Variants in SCAPER observed in about 807,000 individuals in gnomAD.
SCAPER encodes the protein S phase cyclin A-associated protein in the endoplasmic reticulum.
A neutral mutation model predicts 182.2 loss-of-function variants in SCAPER; 98 were observed. The observed-to-expected ratio is 0.54, with a 90% confidence interval of 0.46 to 0.64. SCAPER has a LOEUF of 0.64. Ranked by LOEUF, SCAPER falls within the 30% of genes least tolerant of loss-of-function variation. The pLI is 0.00. For synonymous variants in SCAPER, 605 were observed against 564.6 expected (o/e 1.07, Z -1.01); for missense variants, 1,432 against 1,690.0 (o/e 0.85, Z 2.68).
intron 8 of SCAPER, among the ~76,000 whole-genome samples, chr15:76,781,728 C>T (rs1476266238): frequency 6.6e-6 from 1 of 152,098 alleles, no homozygotes; most frequent in African/African-American, 2.4e-5. Context: ...CAGTGGGGGC[C>T]AATATTCAAC....
Position 76,705,457 on chromosome 15 carries a change from A to G in SCAPER, c.2247+446T>C, listed in dbSNP as rs140794926. ...AGATATACCTAATGCTAAATGACAA[A>G]TTAATGGGTGCAGCACACCAGCATG... On this transcript the variant is annotated intron_variant, in intron 18 of 31. Coordinates refer to ENST00000563290, the MANE Select transcript of SCAPER (RefSeq NM_020843.4). 6.5e-4 allele frequency among the ~76,000 whole-genome samples: 99 copies of G among 151,638 alleles called. 2 individuals are homozygous for G. The highest frequency in any genetic ancestry group is 3.4e-3 in the Middle Eastern group (1 of 294).
intron 5 of SCAPER, among the ~76,000 whole-genome samples, chr15:76,807,684 TC>T (rs968501385): frequency 7.7e-5 from 6 of 77,976 alleles, no homozygotes; most frequent in African/African-American, 3.1e-4. Flanking sequence ...CCCTCCCCCC[TC>T]CCCCCACCCC....
At chr15:76,876,010 C>T (rs1007392824) in intron 2 of SCAPER, among the ~76,000 whole-genome samples, 4 of 152,192 alleles carry the variant, frequency 2.6e-5, no homozygotes, top group South Asian at 2.1e-4. Flanking sequence ...AGAAATCGAG[C>T]GCAGCGCCAG....
intron 24 of SCAPER, among the ~76,000 whole-genome samples, chr15:76,502,375 T>C (rs1214704904): frequency 3.9e-5 from 6 of 152,084 alleles, no homozygotes; most frequent in Non-Finnish European, 4.4e-5. Context: ...ATATACACCG[T>C]GGAATACTAT....
intron 28 of SCAPER, among the ~76,000 whole-genome samples, chr15:76,379,427 T>C (rs780974369): frequency 1.3e-5 from 2 of 152,186 alleles, no homozygotes; most frequent in Non-Finnish European, 2.9e-5. Flanking sequence ...GGGCATTTGA[T>C]TTTGAGAATA....
At chr15:76,794,555 T>C (rs747337457) in intron 8 of SCAPER, among the ~76,000 whole-genome samples, 17 of 152,214 alleles carry the variant, frequency 1.1e-4, no homozygotes, top group Non-Finnish European at 1.6e-4. Context: ...ATGTCTTTTG[T>C]TATGTGCAAT....
chr15:76,706,420 C>T (rs1221224003), intron 17 of SCAPER, among the ~76,000 whole-genome samples: 1 of 152,084 alleles, frequency 6.6e-6, no homozygotes, highest in African/African-American at 2.4e-5. Flanking sequence ...GAAATCTAAG[C>T]TTTCAGAAGG....
chr15:76,852,025 G>A (rs2070811155), intron 4 of SCAPER, among the ~76,000 whole-genome samples: 2 of 152,072 alleles, frequency 1.3e-5, no homozygotes, highest in South Asian at 4.1e-4. Flanking sequence ...CAGAAAAAAA[G>A]GAGTGGTTAC....
At chr15:76,716,357 A>T (rs983800662) in intron 17 of SCAPER, among the ~76,000 whole-genome samples, 13 of 152,192 alleles carry the variant, frequency 8.5e-5, no homozygotes, top group Non-Finnish European at 1.9e-4. Context: ...ATATGACTGC[A>T]CTATCAGATG....
chr15:76,626,133 C>T (rs1430806179), intron 21 of SCAPER, among the ~76,000 whole-genome samples: 1 of 152,060 alleles, frequency 6.6e-6, no homozygotes, highest in Non-Finnish European at 1.5e-5. Flanking sequence ...TGTCTCCTGT[C>T]ACTTCTCGGT....
chr15:76,484,728 T>G (rs769209736), intron 24 of SCAPER, among the ~76,000 whole-genome samples: 1 of 152,032 alleles, frequency 6.6e-6, no homozygotes, highest in South Asian at 2.1e-4. Flanking sequence ...GTAGGCCTCA[T>G]CCCCAGGATG....
chr15:76,606,348 C>G (rs564781454), intron 22 of SCAPER, among the ~76,000 whole-genome samples: 1 of 152,148 alleles, frequency 6.6e-6, no homozygotes, highest in Non-Finnish European at 1.5e-5. Flanking sequence ...AGTTTCTTAA[C>G]CCTGAGTTCT....
chr15:76,446,443 C>G (rs2048004257), intron 25 of SCAPER, among the ~76,000 whole-genome samples: 1 of 152,078 alleles, frequency 6.6e-6, no homozygotes, highest in Non-Finnish European at 1.5e-5. Flanking sequence ...AATAGCTGCC[C>G]AAAAGACATG....
At chr15:76,623,528 T>C (rs1316256505) in intron 21 of SCAPER, among the ~76,000 whole-genome samples, 2 of 152,178 alleles carry the variant, frequency 1.3e-5, no homozygotes, top group African/African-American at 4.8e-5. Context: ...CTTATTTTTG[T>C]CAGCTTTACC....
At chr15:76,763,229 T>A (rs1230836762) in intron 14 of SCAPER, among the ~76,000 whole-genome samples, 6 of 151,940 alleles carry the variant, frequency 3.9e-5, no homozygotes, top group Non-Finnish European at 5.9e-5. Flanking sequence ...CTTTCCAGGG[T>A]ATAGTAATCA....
chr15:76,398,939 T>A (rs1322640455), intron 27 of SCAPER, among the ~76,000 whole-genome samples: 1 of 152,198 alleles, frequency 6.6e-6, no homozygotes, highest in East Asian at 1.9e-4. Context: ...TAACAGCCCA[T>A]GTTGGTTTCA....
At chr15:76,905,125 C>A (rs1346437706) in intron 1 of SCAPER, 174 bp downstream of exon 1, 1 of 153,814 alleles carries the variant, frequency 6.5e-6, no homozygotes, top group Non-Finnish European at 1.5e-5. Flanking sequence ...GGCTCCCCTC[C>A]CCCAGCAACG....
intron 26 of SCAPER, among the ~76,000 whole-genome samples, chr15:76,423,163 T>C (rs1217627544): frequency 1.3e-5 from 2 of 152,208 alleles, no homozygotes; most frequent in Non-Finnish European, 2.9e-5. Context: ...TTCCCTCTTT[T>C]TGTATTGATT....
intron 15 of SCAPER, among the ~76,000 whole-genome samples, chr15:76,750,784 A>G (rs1356055900): frequency 6.6e-6 from 1 of 151,922 alleles, no homozygotes; most frequent in Non-Finnish European, 1.5e-5. Context: ...AACAAATATC[A>G]TATTCAATGG....
Sources: allele counts gnomAD v4.1 joint callset (sites outside exome capture counted in the v4.1 genomes callset), GRCh38; gene constraint gnomAD v4.1.1; transcripts MANE v1.5; gene names NCBI Gene and HGNC (gene_info 2026-07-23, HGNC 2026-07-21).